Variants in ABLIM1 observed in about 807,000 individuals in gnomAD.
The protein encoded by ABLIM1 is actin binding LIM protein 1.
ABLIM1 carries 40 observed loss-of-function variants against 107.0 expected under a neutral mutation model. That is an observed-to-expected ratio of 0.37 (90% CI 0.29 to 0.49). The LOEUF is 0.49. ABLIM1 is among the 20% of genes least tolerant of loss of function. The pLI is 0.97. For synonymous variants in ABLIM1, 357 were observed against 357.3 expected, an observed-to-expected ratio of 1.00 and a Z score of 0.01; for missense variants, 857 against 1,008.5, an observed-to-expected ratio of 0.85 and a Z score of 2.04.
intron 1 of ABLIM1, among the ~76,000 whole-genome samples, chr10:114,656,820 C>T (rs112697376): frequency 0.032 from 4,868 of 152,098 alleles, 241 homozygotes; most frequent in African/African-American, 0.1. Context: ...AAGCCATAAA[C>T]GAAAGACCAC....
intron 6 of ABLIM1, among the ~76,000 whole-genome samples, chr10:114,526,225 ACCAAATC>A (rs1565824800): frequency 6.6e-6 from 1 of 152,174 alleles, no homozygotes; most frequent in Admixed American, 6.5e-5. Context: ...CACTTCCACC[ACCAAATC>A]CCCCAAACAG....
intron 1 of ABLIM1, among the ~76,000 whole-genome samples, chr10:114,668,850 G>A (rs1054567578): frequency 6.6e-6 from 1 of 152,192 alleles, no homozygotes; most frequent in Non-Finnish European, 1.5e-5. Flanking sequence ...TGAGAATGCT[G>A]CTCTAGGTCT....
At chr10:114,678,152 CT>C (rs11339917) in intron 1 of ABLIM1, among the ~76,000 whole-genome samples, 95,121 of 151,100 alleles carry the variant, frequency 0.63, 29,921 homozygotes, top group South Asian at 0.69. Context: ...ATTTCTAATC[CT>C]TTTTTTTTTC....
rs564718393 is a variant in ABLIM1, at chr10:114,629,780, T to C, written c.245-27819A>G. Reference sequence around the variant, plus strand: ...AACGATCCCCAGTGCCCTTCTCACTTTAAGGGCTATGAAGAAGTTCCCTTT... The same window carrying C: ...AACGATCCCCAGTGCCCTTCTCACTCTAAGGGCTATGAAGAAGTTCCCTTT... On this transcript the variant is annotated intron_variant, in intron 1 of 22. Transcript: ENST00000533213. This position sits in a 1 kb window ranked among gnomAD's most constrained non-coding sequence, Gnocchi z 4.0. 1.4e-3 allele frequency among the ~76,000 whole-genome samples: 215 copies of C among 152,302 alleles called. No individual in the cohort carries two copies. Among genetic ancestry groups the C allele is most frequent in the Non-Finnish European group, 2.6e-3 (178 of 68,030 alleles).
At chr10:114,748,395 T>G in intron 1 of ABLIM1, among the ~76,000 whole-genome samples, 1 of 152,160 alleles carries the variant, frequency 6.6e-6, no homozygotes, top group East Asian at 1.9e-4. Flanking sequence ...ATTTTGCAAG[T>G]ATGCTTCTAC....
intron 1 of ABLIM1, among the ~76,000 whole-genome samples, chr10:114,758,348 A>G (rs1056906906): frequency 3.0e-4 from 45 of 152,318 alleles, no homozygotes; most frequent in African/African-American, 1.0e-3. Context: ...TTCTCCTAAA[A>G]TAAGTAGTCA....
In ABLIM1 at chr10:114,465,700, G is replaced by A; in HGVS notation, c.1439C>T (p.Pro480Leu). 1.9e-6 allele frequency: 3 copies of A among 1,614,086 alleles called. No individual in the cohort carries two copies. Among genetic ancestry groups the A allele is most frequent in the Non-Finnish European group, 2.5e-6 (3 of 1,179,982 alleles). The change falls in exon 12 of 23, where the codon CCT becomes CTT. Residue 480 changes from proline (P) to leucine (L), a missense_variant and splice_region_variant. Pro to Leu is a moderately conservative substitution (Grantham distance 98). Around this residue, in one of 5 missense-constraint regions of ABLIM1, gnomAD observed 381 missense variants for 506.9 expected, o/e 0.75. Coordinates refer to ENST00000533213, the MANE Select transcript of ABLIM1 (RefSeq NM_002313.7). The stretch of plus-strand genomic sequence containing the variant: ...AATCCAGGAACAGTCACCCTTACCA[G>A]GTCTGTGGAAATGCTGGGGAGAGCG... ...TSRSPQHFHR[P>L]GNEPSSGRNS...
At chr10:114,444,175 A>G in intron 16 of ABLIM1, 41 bp from the exon 17 acceptor site, 1 of 1,476,566 alleles carries the variant, frequency 6.8e-7, no homozygotes, top group East Asian at 2.3e-5. Flanking sequence ...AAAAGAAAGC[A>G]AAGCTTGCAA....
intron 1 of ABLIM1, among the ~76,000 whole-genome samples, chr10:114,625,578 G>GA (rs79134480): frequency 0.08 from 12,187 of 152,210 alleles, 914 homozygotes; most frequent in East Asian, 0.43. Flanking sequence ...TCGCAGAAGG[G>GA]ATGCGCCTTC....
intron 12 of ABLIM1, among the ~76,000 whole-genome samples, chr10:114,461,259 G>A (rs2063831983): frequency 6.6e-6 from 1 of 151,406 alleles, no homozygotes; most frequent in African/African-American, 2.4e-5. Flanking sequence ...TAGAGATGGG[G>A]TTTCGCCATG....
At chr10:114,543,139 G>A (rs1179491125) in intron 6 of ABLIM1, among the ~76,000 whole-genome samples, 1 of 151,962 alleles carries the variant, frequency 6.6e-6, no homozygotes, top group Non-Finnish European at 1.5e-5. Context: ...TCCCTTCCCA[G>A]CCATTTAAAA....
chr10:114,760,749 A>G (rs182879121), intron 1 of ABLIM1, among the ~76,000 whole-genome samples: 1 of 152,312 alleles, frequency 6.6e-6, no homozygotes, highest in Admixed American at 6.5e-5. Context: ...GAACAATTCA[A>G]CCTTCTGAAA....
At chr10:114,736,924 C>T (rs1312702043) in intron 1 of ABLIM1, among the ~76,000 whole-genome samples, 1 of 152,176 alleles carries the variant, frequency 6.6e-6, no homozygotes, top group Non-Finnish European at 1.5e-5. Context: ...CGCGGTGGCT[C>T]AAGCCTATAA....
rs1227876108 is a variant in ABLIM1 at position 114,432,141 on chromosome 10, C to T, written c.*4119G>A. ...ATAGAAAGTTATTCAAAAGGGAGCA[C>T]AAAAGAGCAAGCTTTGGGGCATACT... On this transcript the variant is annotated 3_prime_UTR_variant, in exon 23 of 23. Transcript: ENST00000533213. 1.3e-5 allele frequency: 2 copies of T among 152,106 alleles called. No homozygotes were observed. The highest frequency in any genetic ancestry group is 2.1e-4 in the South Asian group (1 of 4,826). 9.4% of individuals were successfully genotyped at this position (152,106 alleles called of 1,614,324 possible). A position where few individuals can be genotyped will look rare whatever the true frequency, so the allele number is the denominator to read the frequency against.
At chr10:114,726,350 C>G (rs1236865711) in intron 1 of ABLIM1, among the ~76,000 whole-genome samples, 1 of 151,974 alleles carries the variant, frequency 6.6e-6, no homozygotes, top group Non-Finnish European at 1.5e-5. Flanking sequence ...ATTAGTTGGC[C>G]CACGGTTCTA....
At chr10:114,511,168 A>G (rs1318270222) in intron 6 of ABLIM1, among the ~76,000 whole-genome samples, 1 of 152,060 alleles carries the variant, frequency 6.6e-6, no homozygotes, top group Non-Finnish European at 1.5e-5. Context: ...TGAAATGTTA[A>G]ATTCTTGTTT....
intron 2 of ABLIM1, among the ~76,000 whole-genome samples, chr10:114,584,201 C>G (rs532576482): frequency 5.3e-4 from 80 of 152,186 alleles, no homozygotes; most frequent in African/African-American, 1.8e-3. Context: ...CATCCCTGCA[C>G]CTTCCTAGGC....
intron 1 of ABLIM1, among the ~76,000 whole-genome samples, chr10:114,701,382 C>G (rs117272659): frequency 2.0e-5 from 3 of 152,120 alleles, no homozygotes; most frequent in African/African-American, 7.2e-5. Context: ...AAATATACAC[C>G]TACCCTCCGA....
chr10:114,601,243 G>A (rs1029079748), intron 2 of ABLIM1, among the ~76,000 whole-genome samples: 5 of 150,774 alleles, frequency 3.3e-5, no homozygotes, highest in Non-Finnish European at 7.4e-5. Flanking sequence ...CCACAGAACT[G>A]TATTTTTACT....
Sources: allele counts gnomAD v4.1 joint callset (sites outside exome capture counted in the v4.1 genomes callset), GRCh38; gene constraint gnomAD v4.1.1; regional missense constraint gnomAD v4.1.1; non-coding constraint Gnocchi (gnomAD v3.1); transcripts MANE v1.5; gene names NCBI Gene and HGNC (gene_info 2026-07-23, HGNC 2026-07-21).